Variants in GFI1B observed in about 807,000 individuals in gnomAD.
The protein encoded by GFI1B is growth factor independent 1B transcriptional repressor, also known as zinc finger protein Gfi-1b.
Under a neutral mutation model 35.3 loss-of-function variants are expected in GFI1B, and 20 were observed. The ratio of observed to expected loss-of-function variants is 0.57; its 90% CI spans 0.40 to 0.82. The LOEUF is 0.82. Among genes scored for constraint, GFI1B ranks in the 40% least tolerant of loss-of-function variants. The pLI is 0.00. For synonymous variants in GFI1B, 178 were observed against 177.6 expected (o/e 1.00, Z -0.02); for missense variants, 430 against 446.3 (o/e 0.96, Z 0.33).
chr9:132,953,418 C>G (rs1848232078), intron 1 of GFI1B: 2 of 152,328 alleles, frequency 1.3e-5, no homozygotes, highest in African/African-American at 4.8e-5. Flanking sequence ...CTTTGGGAGG[C>G]CAAGGCAGGC....
rs79463544 is a variant in GFI1B at position 132,981,451 on chromosome 9, A to T, written c.-21+2610A>T. Among the ~76,000 whole-genome samples the T allele has an allele frequency of 9.5e-3, 1,446 of 152,240 alleles. 13 individuals are homozygous for T. Among genetic ancestry groups the T allele is most frequent in the South Asian group, 0.029 (139 of 4,824 alleles). ...AATGATGATTTAGACCGGCCTGGGCAACATGGCAAAACCCCGTCTCTACAA... is the reference window on the plus strand; with the variant it reads ...AATGATGATTTAGACCGGCCTGGGCTACATGGCAAAACCCCGTCTCTACAA... On this transcript the variant is annotated intron_variant, in intron 1 of 6. Coordinates refer to ENST00000372122, the MANE Select transcript of GFI1B (RefSeq NM_001377304.1).
At position 132,964,936 on chromosome 9, in the gene GFI1B, C is replaced by T. The variant is rs1245055716; in HGVS notation, c.-700-7789C>T. The stretch of plus-strand genomic sequence containing the variant: ...TGTATTTTTAGTAGAGATGGGGTTT[C>T]GCCATGTTGGCCAGGCTGGTCCTCA... On this transcript the variant is annotated intron_variant, in intron 1 of 10. Transcript: ENST00000339463. Among the ~76,000 whole-genome samples the T allele has an allele frequency of 7.9e-5, 12 of 151,862 alleles. No individual in the cohort carries two copies. In the South Asian group the frequency reaches 1.5e-3, roughly 18 times the overall value.
chr9:132,988,726 A>G (rs1849173863), intron 4 of GFI1B, among the ~76,000 whole-genome samples: 1 of 152,202 alleles, frequency 6.6e-6, no homozygotes, highest in Non-Finnish European at 1.5e-5. Context: ...TTCCAGGATC[A>G]GACAGCAAGT....
At chr9:132,955,274 G>A (rs913583438) in intron 1 of GFI1B, among the ~76,000 whole-genome samples, 18 of 151,960 alleles carry the variant, frequency 1.2e-4, no homozygotes, top group Non-Finnish European at 2.6e-4. Context: ...CTAGGTTGAT[G>A]GTTTCTTTCT....
chr9:132,947,192 G>A (rs980229211), intron 1 of GFI1B: 1 of 152,258 alleles, frequency 6.6e-6, no homozygotes, highest in African/African-American at 2.4e-5. Context: ...TGCACGTGGT[G>A]GAGGACATCT....
chr9:132,954,427 T>C (rs950398787), intron 1 of GFI1B, among the ~76,000 whole-genome samples: 4 of 151,652 alleles, frequency 2.6e-5, no homozygotes, highest in African/African-American at 9.7e-5. Context: ...ATACAAAAAT[T>C]AGCCAGATGT....
At position 132,988,283 on chromosome 9, in the gene GFI1B, G is replaced by A. The variant is rs1481562524; in HGVS notation, c.325G>A (p.Asp109Asn). The A allele has an allele frequency of 6.2e-7, 1 of 1,614,128 alleles. No individual in the cohort carries two copies. Among genetic ancestry groups the A allele is most frequent in the Non-Finnish European group, 8.5e-7 (1 of 1,179,986 alleles). ...PPFYKPSFSW[D>N]TLATTYGHSY... ...ATTCTACAAGCCTAGCTTCTCCTGG[G>A]ACACCTTGGCCACAACCTATGGCCA... The change falls in exon 4 of 7, where the codon GAC becomes AAC. Residue 109 changes from aspartate to asparagine, a missense_variant. Coordinates refer to ENST00000372122, the MANE Select transcript of GFI1B (RefSeq NM_001377304.1).
At position 132,988,461 on chromosome 9, in the gene GFI1B, G is replaced by T. The variant is rs527297896; in HGVS notation, c.503G>T (p.Cys168Phe). The T allele has an allele frequency of 2.3e-4, 369 of 1,613,472 alleles. 2 individuals carry two copies. The South Asian group carries it at 3.8e-3, about 17-fold the overall frequency. ...PGMDAYHCVKCNKVFSTPHGL... is the reference protein window; with the variant it reads ...PGMDAYHCVKFNKVFSTPHGL... ...ATGGATGCGTACCACTGTGTGAAGT[G>T]CAACAAGGTGGGCAGCGGGGGGTGT... Residue 168 changes from cysteine to phenylalanine, a missense_variant, in exon 4 of 7, where the codon TGC (cysteine) becomes TTC (phenylalanine). Transcript: ENST00000372122.
upstream of GFI1B, among the ~76,000 whole-genome samples, chr9:132,974,623 AG>A (rs1356245304): frequency 1.4e-4 from 20 of 143,732 alleles, no homozygotes; most frequent in South Asian, 2.2e-3. Flanking sequence ...AAAAAAAAAA[AG>A]GGAAGACAAG....
At chr9:132,950,126 A>AAC (rs530811325) in intron 1 of GFI1B, among the ~76,000 whole-genome samples, 2,168 of 151,972 alleles carry the variant, frequency 0.014, 24 homozygotes, top group Non-Finnish European at 0.024. Context: ...AAATAAAAAT[A>AAC]ACACACACAC....
At chr9:132,961,959 T>A (rs1259843048) in intron 1 of GFI1B, among the ~76,000 whole-genome samples, 2 of 151,012 alleles carry the variant, frequency 1.3e-5, no homozygotes, top group African/African-American at 2.4e-5. Flanking sequence ...CTTCTGGGAG[T>A]GGGAGGACAG....
In GFI1B at chr9:132,989,813, C is replaced by A; in HGVS notation, c.720C>A (p.Leu240=). 1 of 1,614,036 alleles carries A rather than the reference C, an allele frequency of 6.2e-7. No individual in the cohort carries two copies. The highest frequency in any genetic ancestry group is 8.5e-7 in the Non-Finnish European group (1 of 1,179,826). Residue 240 remains leucine (L), a synonymous_variant, in exon 6 of 7, where the codon CTC becomes CTA. Coordinates refer to ENST00000372122, the MANE Select transcript of GFI1B (RefSeq NM_001377304.1). This position sits in a 1 kb window ranked among gnomAD's most constrained non-coding sequence, Gnocchi z 6.2. ...KRSSTLSTHL[L]IHSDTRPYPC... ...CGTCCACGCTGTCCACCCACCTGCT[C>A]ATCCACTCAGACACGCGGCCCTACC...
intron 1 of GFI1B, among the ~76,000 whole-genome samples, chr9:132,947,618 G>A (rs1408933671): frequency 2.6e-5 from 4 of 151,736 alleles, no homozygotes; most frequent in Admixed American, 2.6e-4. Flanking sequence ...AGACCAGCCT[G>A]GCCAACATGG....
chr9:132,983,558 C>T (rs1057482016), intron 1 of GFI1B, among the ~76,000 whole-genome samples: 4 of 152,142 alleles, frequency 2.6e-5, no homozygotes, highest in African/African-American at 7.2e-5. Flanking sequence ...CGGTGTTCAC[C>T]GGGTGCTGTG....
intron 1 of GFI1B, among the ~76,000 whole-genome samples, chr9:132,964,269 C>G (rs1336350936): frequency 4.6e-5 from 7 of 152,054 alleles, no homozygotes; most frequent in Admixed American, 4.6e-4. Context: ...AAATAAAAAC[C>G]TATAATGCTG....
chr9:132,971,800 CCT>C (rs1275478522), intron 1 of GFI1B, among the ~76,000 whole-genome samples: 7 of 151,730 alleles, frequency 4.6e-5, no homozygotes, highest in African/African-American at 1.7e-4. Context: ...ATGGCAAACC[CCT>C]GTCTCCACTA....
chr9:132,966,043 G>C (rs940446058), intron 1 of GFI1B, among the ~76,000 whole-genome samples: 2 of 152,206 alleles, frequency 1.3e-5, no homozygotes, highest in African/African-American at 4.8e-5. Context: ...CGATGCTGAA[G>C]TTTAAGGGGG....
chr9:132,975,534 T>G (rs532795068), upstream of GFI1B, among the ~76,000 whole-genome samples: 8 of 152,302 alleles, frequency 5.3e-5, no homozygotes, highest in Admixed American at 4.6e-4. Flanking sequence ...TTGTATACTA[T>G]GTTTATATCA....
chr9:132,966,635 G>A (rs775621591), intron 1 of GFI1B, among the ~76,000 whole-genome samples: 2 of 152,230 alleles, frequency 1.3e-5, no homozygotes, highest in Non-Finnish European at 2.9e-5. Flanking sequence ...GCTGAAACCA[G>A]TAGGGGAGAC....
Sources: gnomAD v4.1 joint callset for allele counts (sites outside exome capture counted in the v4.1 genomes callset) on GRCh38, gnomAD v4.1.1 for gene constraint, Gnocchi (gnomAD v3.1) non-coding constraint, MANE v1.5 for transcripts, NCBI Gene and HGNC (gene_info 2026-07-23, HGNC 2026-07-21) for gene names.